SORBS2: variants seen among roughly 807,000 people sequenced by gnomAD.
SORBS2 encodes sorbin and SH3 domain-containing protein 2.
In SORBS2, 46 loss-of-function variants were observed where a neutral mutation model predicts 97.7. That is an observed-to-expected ratio of 0.47 (90% CI 0.37 to 0.60). The LOEUF is 0.60. Ranked by LOEUF, SORBS2 falls within the 20% of genes least tolerant of loss-of-function variation. SORBS2 has a pLI of 0.00. For synonymous variants in SORBS2, 476 were observed against 473.4 expected (o/e 1.01, Z -0.07); for missense variants, 1,316 against 1,282.3 (o/e 1.03, Z -0.40).
intron 2 of SORBS2, among the ~76,000 whole-genome samples, chr4:185,731,770 G>A (rs115785898): frequency 0.092 from 3,136 of 34,054 alleles, 146 homozygotes; most frequent in Middle Eastern, 0.25. Context: ...CTCCCTCCCC[G>A]CCTGTCTCTC....
chr4:185,939,228 C>T (rs2099270630), intron 1 of SORBS2, among the ~76,000 whole-genome samples: 1 of 152,162 alleles, frequency 6.6e-6, no homozygotes, highest in Non-Finnish European at 1.5e-5. Flanking sequence ...AACTGTCCAT[C>T]CTTCTCTCAT....
chr4:185,818,655 T>C (rs2099194784), intron 1 of SORBS2, among the ~76,000 whole-genome samples: 1 of 151,800 alleles, frequency 6.6e-6, no homozygotes, highest in African/African-American at 2.4e-5. Context: ...TGAAACCCTA[T>C]CTCTACTAAA....
chr4:185,934,409 TTG>T (rs1405963732), intron 1 of SORBS2, among the ~76,000 whole-genome samples: 1 of 152,192 alleles, frequency 6.6e-6, no homozygotes, highest in East Asian at 1.9e-4. Context: ...CAATTTGCTT[TTG>T]TTTAGAAAAC....
intron 1 of SORBS2, among the ~76,000 whole-genome samples, chr4:185,848,176 T>C (rs976465143): frequency 6.6e-6 from 1 of 152,192 alleles, no homozygotes; most frequent in African/African-American, 2.4e-5. Flanking sequence ...TGCGCGGTGA[T>C]GACTTTTTCA....
chr4:185,641,366 T>C (rs2097124026), intron 4 of SORBS2, among the ~76,000 whole-genome samples: 1 of 152,024 alleles, frequency 6.6e-6, no homozygotes, highest in Admixed American at 6.5e-5. Context: ...TTGAGCAGAG[T>C]TGTGTTAAAG....
At chr4:185,907,955 A>G (rs902470027) in intron 1 of SORBS2, among the ~76,000 whole-genome samples, 2 of 152,110 alleles carry the variant, frequency 1.3e-5, no homozygotes, top group Admixed American at 6.5e-5. Context: ...TGTTCCCAAC[A>G]TAGCTTAGTA....
chr4:185,870,572 G>C (rs2648109), intron 1 of SORBS2, among the ~76,000 whole-genome samples: 86,195 of 151,716 alleles, frequency 0.57, 24,939 homozygotes, highest in Middle Eastern at 0.67. Context: ...TGCCCAGCTC[G>C]TGTCTGAGGT....
intron 1 of SORBS2, chr4:185,656,587 T>C (rs1207793486): frequency 1.3e-6 from 2 of 1,488,014 alleles, no homozygotes; most frequent in Admixed American, 4.0e-5. Context: ...GCAGCTGCAG[T>C]CCCTCCCCGC....
chr4:185,714,999 G>A (rs534485761), intron 2 of SORBS2, among the ~76,000 whole-genome samples: 2 of 152,284 alleles, frequency 1.3e-5, no homozygotes, highest in African/African-American at 4.8e-5. Context: ...TGGGTTATAA[G>A]TTAAAGGCTT....
At chr4:185,661,924 C>T (rs1396522348), upstream of SORBS2, among the ~76,000 whole-genome samples, 1 of 152,180 alleles carries the variant, frequency 6.6e-6, no homozygotes, top group East Asian at 1.9e-4. Context: ...GAGACATGGT[C>T]TTGGAATAGC....
intron 1 of SORBS2, among the ~76,000 whole-genome samples, chr4:185,925,257 G>A (rs1465091143): frequency 2.0e-5 from 3 of 152,106 alleles, no homozygotes; most frequent in Non-Finnish European, 1.5e-5. Context: ...ATCCTCTAAT[G>A]CCACTGGTCC....
At chr4:185,938,430 A>ACACACACACC (rs35146408) in intron 1 of SORBS2, among the ~76,000 whole-genome samples, 5 of 141,938 alleles carry the variant, frequency 3.5e-5, no homozygotes, top group South Asian at 4.5e-4. Context: ...ACACACACAC[A>ACACACACACC]CCCTTTTATT....
intron 2 of SORBS2, among the ~76,000 whole-genome samples, chr4:185,759,469 G>C (rs1390999073): frequency 6.6e-6 from 1 of 152,208 alleles, no homozygotes; most frequent in Non-Finnish European, 1.5e-5. Context: ...GATTGAGCTG[G>C]ATGACAAAGG....
chr4:185,782,307 C>T (rs1038048799), intron 1 of SORBS2, among the ~76,000 whole-genome samples: 2 of 152,204 alleles, frequency 1.3e-5, no homozygotes, highest in African/African-American at 4.8e-5. Context: ...GAGGCAGGTG[C>T]CACTTGCTTT....
intron 4 of SORBS2, among the ~76,000 whole-genome samples, chr4:185,670,221 A>AT (rs1432732619): frequency 2.0e-5 from 3 of 152,098 alleles, no homozygotes. Flanking sequence ...TCTGTCTCAA[A>AT]TTTAAAAAAA....
At chr4:185,759,026 G>C (rs2098847449) in intron 2 of SORBS2, among the ~76,000 whole-genome samples, 1 of 152,154 alleles carries the variant, frequency 6.6e-6, no homozygotes, top group African/African-American at 2.4e-5. Flanking sequence ...GCTCTGTGGG[G>C]GCAGGGATTT....
intron 1 of SORBS2, among the ~76,000 whole-genome samples, chr4:185,903,528 T>C (rs531441888): frequency 1.2e-4 from 19 of 152,214 alleles, no homozygotes; most frequent in African/African-American, 4.3e-4. Context: ...AAAATTCCTT[T>C]CCCCTCAAAA....
intron 1 of SORBS2, among the ~76,000 whole-genome samples, chr4:185,832,148 A>G (rs1366384707): frequency 6.6e-6 from 1 of 152,234 alleles, no homozygotes; most frequent in African/African-American, 2.4e-5. Context: ...CACTTATGCC[A>G]TGATAGATGG....
At chr4:185,697,479 C>G (rs1209286406) in intron 2 of SORBS2, among the ~76,000 whole-genome samples, 1 of 152,176 alleles carries the variant, frequency 6.6e-6, no homozygotes, top group Non-Finnish European at 1.5e-5. Flanking sequence ...CCCCCCCACA[C>G]ATTGCCATGA....
Sources: allele counts gnomAD v4.1 joint callset (sites outside exome capture counted in the v4.1 genomes callset), GRCh38; gene constraint gnomAD v4.1.1; transcripts MANE v1.5; gene names NCBI Gene and HGNC (gene_info 2026-07-23, HGNC 2026-07-21).